CA10: variants seen among roughly 807,000 people sequenced by gnomAD.
CA10 encodes carbonic anhydrase 10 (inactive).
Under a neutral mutation model 44.2 loss-of-function variants are expected in CA10, and 14 were observed. That is an observed-to-expected ratio of 0.32 (90% CI 0.21 to 0.50). The LOEUF (loss-of-function observed/expected upper bound fraction) is 0.50, where lower values mean the gene tolerates loss of function less well. Among genes scored for constraint, CA10 ranks in the 20% least tolerant of loss-of-function variants. CA10 has a pLI of 0.99. For synonymous variants in CA10, 159 were observed against 141.6 expected (o/e 1.12, Z -0.87); for missense variants, 350 against 409.7 (o/e 0.85, Z 1.26).
At chr17:51,992,404 C>T (rs979361207) in intron 2 of CA10, among the ~76,000 whole-genome samples, 2 of 152,080 alleles carry the variant, frequency 1.3e-5, no homozygotes, top group African/African-American at 4.8e-5. Context: ...CTTTGCTTTT[C>T]TGAGATCTGG....
At chr17:52,102,305 C>T (rs1567733861) in intron 1 of CA10, among the ~76,000 whole-genome samples, 1 of 152,180 alleles carries the variant, frequency 6.6e-6, no homozygotes, top group Non-Finnish European at 1.5e-5. Context: ...GAGGTCTCTA[C>T]CTTTTCTCAT....
intron 4 of CA10, among the ~76,000 whole-genome samples, chr17:51,675,706 G>A (rs1479149883): frequency 1.3e-5 from 2 of 150,286 alleles, no homozygotes; most frequent in African/African-American, 4.9e-5. Context: ...AAAGAGCAAG[G>A]CTGCGTCTCA....
chr17:52,150,221 A>G (rs1989674332), intron 1 of CA10, among the ~76,000 whole-genome samples: 1 of 152,056 alleles, frequency 6.6e-6, no homozygotes, highest in East Asian at 1.9e-4. Context: ...ACTCTTTAAC[A>G]TCCTTGGAGA....
chr17:51,881,611 G>A (rs746808300), intron 3 of CA10, among the ~76,000 whole-genome samples: 1 of 152,048 alleles, frequency 6.6e-6, no homozygotes, highest in Non-Finnish European at 1.5e-5. Context: ...AAAAAAGAAC[G>A]GGGATATGTA....
intron 3 of CA10, 41 bp downstream of exon 3, chr17:51,930,949 C>T: frequency 6.2e-7 from 1 of 1,606,866 alleles, no homozygotes; most frequent in Non-Finnish European, 8.5e-7. Context: ...TCAAGATGGC[C>T]CCATCTTCAA....
intron 3 of CA10, among the ~76,000 whole-genome samples, chr17:51,795,055 C>T (rs1906655231): frequency 6.6e-6 from 1 of 152,162 alleles, no homozygotes; most frequent in South Asian, 2.1e-4. Flanking sequence ...TTTAACTTCT[C>T]TATGGCTCAG....
At chr17:51,743,256 T>C (rs1331323633) in intron 4 of CA10, among the ~76,000 whole-genome samples, 2 of 152,258 alleles carry the variant, frequency 1.3e-5, no homozygotes, top group African/African-American at 2.4e-5. Context: ...CCCCCACTAC[T>C]GCAATGGAAT....
At chr17:51,992,821 G>A (rs760663103) in intron 2 of CA10, among the ~76,000 whole-genome samples, 4 of 152,032 alleles carry the variant, frequency 2.6e-5, no homozygotes, top group Non-Finnish European at 4.4e-5. Context: ...CAGTCTTCTG[G>A]CATCCTCAAT....
At chr17:51,947,053 AAAAAT>A (rs1442032843) in intron 2 of CA10, among the ~76,000 whole-genome samples, 3 of 152,146 alleles carry the variant, frequency 2.0e-5, no homozygotes, top group African/African-American at 7.2e-5. Context: ...CAGTAAAAAC[AAAAAT>A]ATGATGAATG....
At chr17:52,025,685 G>A (rs1453351230) in intron 2 of CA10, among the ~76,000 whole-genome samples, 1 of 152,046 alleles carries the variant, frequency 6.6e-6, no homozygotes, top group Non-Finnish European at 1.5e-5. Context: ...ATTCATGAAT[G>A]CCTTTTCTGT....
intron 3 of CA10, among the ~76,000 whole-genome samples, chr17:51,918,732 T>C (rs886404009): frequency 2.6e-5 from 4 of 152,180 alleles, no homozygotes; most frequent in Non-Finnish European, 5.9e-5. Flanking sequence ...GAATAGACAC[T>C]GGGTTTGCTC....
At chr17:51,918,798 G>A (rs1459807163) in intron 3 of CA10, among the ~76,000 whole-genome samples, 1 of 152,122 alleles carries the variant, frequency 6.6e-6, no homozygotes, top group Non-Finnish European at 1.5e-5. Context: ...TTTGCAGTTT[G>A]GATTTTGGCC....
chr17:51,946,118 G>T (rs1411786837), intron 2 of CA10, among the ~76,000 whole-genome samples: 1 of 152,192 alleles, frequency 6.6e-6, no homozygotes, highest in Non-Finnish European at 1.5e-5. Flanking sequence ...CACAGAAGCA[G>T]AGAACAGAAT....
At chr17:51,758,755 A>T (rs1250520519) in intron 3 of CA10, among the ~76,000 whole-genome samples, 2 of 152,346 alleles carry the variant, frequency 1.3e-5, no homozygotes, top group South Asian at 2.1e-4. Flanking sequence ...AGTATTATAA[A>T]CAAAATTTAA....
At chr17:52,108,783 A>G (rs1228082553) in intron 1 of CA10, among the ~76,000 whole-genome samples, 2 of 151,398 alleles carry the variant, frequency 1.3e-5, no homozygotes, top group Non-Finnish European at 2.9e-5. Context: ...GGCGCAAGGG[A>G]TAAAAGATAA....
chr17:51,643,730 A>G (rs989397640), intron 6 of CA10, among the ~76,000 whole-genome samples: 3 of 152,198 alleles, frequency 2.0e-5, no homozygotes, highest in African/African-American at 7.2e-5. Flanking sequence ...TTTATTTGGC[A>G]TCATAGCAAC....
In CA10 at chr17:52,137,564, A is replaced by T. The variant is rs141592271; in HGVS notation, c.61+20162T>A. 4.5e-3 allele frequency among the ~76,000 whole-genome samples: 681 copies of T among 152,240 alleles called. 6 individuals carry two copies. Among genetic ancestry groups the T allele is most frequent in the African/African-American group, 0.015 (633 of 41,558 alleles). ...TTAAATATAAGCCTGGTATCTATGA[A>T]CTTCTTGACTGTCAGCTTTGAGTCT... On this transcript the variant is annotated intron_variant, in intron 1 of 8. Transcript: ENST00000451037.
intron 2 of CA10, among the ~76,000 whole-genome samples, chr17:51,978,382 A>ATGTGTGTGTGTGTGTGTG (rs56108471): frequency 7.0e-6 from 1 of 142,008 alleles, no homozygotes; most frequent in South Asian, 2.3e-4. Flanking sequence ...GTGTGTCTGT[A>ATGTGTGTGTGTGTGTGTG]TGTGTGTGTG....
intron 3 of CA10, among the ~76,000 whole-genome samples, chr17:51,789,233 C>A (rs552418724): frequency 9.9e-5 from 15 of 152,256 alleles, no homozygotes; most frequent in African/African-American, 3.6e-4. Flanking sequence ...TCAGGCTGGT[C>A]TCGAACTTAT....
Sources: gnomAD v4.1 joint callset for allele counts (sites outside exome capture counted in the v4.1 genomes callset) on GRCh38, gnomAD v4.1.1 for gene constraint, MANE v1.5 for transcripts, NCBI Gene and HGNC (gene_info 2026-07-23, HGNC 2026-07-21) for gene names.